SS18L1: variants seen among roughly 807,000 people sequenced by gnomAD.
SS18L1 encodes the protein SS18L1 subunit of BAF chromatin remodeling complex, also known as calcium-responsive transactivator.
SS18L1 carries 32 observed loss-of-function variants against 70.3 expected under a neutral mutation model. That is an observed-to-expected ratio of 0.46 (90% CI 0.34 to 0.61). The LOEUF is 0.61. Among genes scored for constraint, SS18L1 ranks in the 20% least tolerant of loss-of-function variants. The pLI, the probability that SS18L1 is intolerant of heterozygous loss-of-function variation, is 0.01. For synonymous variants in SS18L1, 237 were observed against 229.7 expected, an observed-to-expected ratio of 1.03 and a Z score of -0.29; for missense variants, 430 against 542.1, an observed-to-expected ratio of 0.79 and a Z score of 2.05.
intron 1 of SS18L1, chr20:62,154,490 C>T: frequency 3.9e-6 from 4 of 1,022,102 alleles, no homozygotes; most frequent in Non-Finnish European, 4.7e-6. Context: ...CCTCCAGAGC[C>T]TCCCTCAGGC....
At position 62,161,411 on chromosome 20, in the gene SS18L1, C is replaced by T. The variant is rs61422126; in HGVS notation, c.232-25C>T. ...GCTCTCCGTAAATTAACCGTTTTTC[C>T]CTGAAAACTTCCTGTTGCCTGCAGC... On this transcript the variant is annotated intron_variant, in intron 3 of 10. Coordinates refer to ENST00000331758, the MANE Select transcript of SS18L1 (RefSeq NM_198935.3). The surrounding 1 kb of genome is among the most constrained non-coding windows in gnomAD (Gnocchi z 4.4). 16,680 of 1,612,580 alleles carry T rather than the reference C, an allele frequency of 0.01. 1,459 individuals are homozygous for T. In the African/African-American group the frequency reaches 0.19, roughly 19 times the overall value.
intron 10 of SS18L1, among the ~76,000 whole-genome samples, chr20:62,177,256 C>T: frequency 6.7e-6 from 1 of 149,448 alleles, no homozygotes; most frequent in Non-Finnish European, 1.5e-5. Context: ...CCAGCATGGG[C>T]AACAAGAGCG....
intron 1 of SS18L1, chr20:62,154,574 A>G (rs890468296): frequency 1.0e-6 from 1 of 1,003,634 alleles, no homozygotes; most frequent in African/African-American, 1.7e-5. Flanking sequence ...TTGGTATGGG[A>G]CACAGCTCCT....
intron 9 of SS18L1, among the ~76,000 whole-genome samples, chr20:62,173,441 G>T (rs2057567206): frequency 1.3e-5 from 2 of 152,246 alleles, no homozygotes; most frequent in African/African-American, 4.8e-5. Flanking sequence ...CAGGCGTGGT[G>T]GCTCACGCCT....
chr20:62,148,674 A>G (rs116124141), intron 1 of SS18L1, among the ~76,000 whole-genome samples: 5,213 of 152,316 alleles, frequency 0.034, 273 homozygotes, highest in African/African-American at 0.11. Context: ...CCTTGAACCC[A>G]AGCGCCACGG....
rs1180521665 is a variant in SS18L1 at position 62,181,010 on chromosome 20, C to T, written c.*1802C>T. ...TTTTGCTTGAATTAATTCTGACAGCCCCTATGAGGAAATCTGGAGGCAGGT... is the reference window on the plus strand; with the variant it reads ...TTTTGCTTGAATTAATTCTGACAGCTCCTATGAGGAAATCTGGAGGCAGGT... On this transcript the variant is annotated 3_prime_UTR_variant, in exon 11 of 11. Coordinates refer to ENST00000331758, the MANE Select transcript of SS18L1 (RefSeq NM_198935.3). 1 of 185,548 alleles carries T rather than the reference C, an allele frequency of 5.4e-6. No homozygotes were observed. Among genetic ancestry groups the T allele is most frequent in the Non-Finnish European group, 1.1e-5 (1 of 87,758 alleles). 11.5% of individuals were successfully genotyped at this position (185,548 alleles called of 1,614,324 possible).
intron 1 of SS18L1, among the ~76,000 whole-genome samples, chr20:62,156,257 A>G (rs2057221578): frequency 6.6e-6 from 1 of 152,122 alleles, no homozygotes; most frequent in Non-Finnish European, 1.5e-5. Flanking sequence ...CAAGGAGGGG[A>G]AGCCCTTTAG....
chr20:62,160,422 G>T (rs1053278148), intron 3 of SS18L1, among the ~76,000 whole-genome samples: 2 of 146,120 alleles, frequency 1.4e-5, no homozygotes, highest in Non-Finnish European at 3.0e-5. Flanking sequence ...TGGGATGGGG[G>T]CCCTGCGTCT....
In SS18L1 at chr20:62,158,726, G is replaced by A. The variant is rs1455626185; in HGVS notation, c.124G>A (p.Gly42Ser). 3.1e-6 allele frequency: 5 copies of A among 1,612,950 alleles called. No individual in the cohort carries two copies. Among genetic ancestry groups the A allele is most frequent in the Non-Finnish European group, 4.2e-6 (5 of 1,180,032 alleles). Residue 42 changes from glycine to serine, a missense_variant, in exon 2 of 11, where the codon GGC becomes AGC. Transcript: ENST00000331758. The surrounding 1 kb of genome is among the most constrained non-coding windows in gnomAD (Gnocchi z 4.5). The part of the protein sequence containing the change: ...IQCILEYQSK[G>S]KTAECTQYQQ... ...GTGCATCCTGGAGTACCAGAGCAAG[G>A]GCAAGACGGCCGAGTGCACGCAGTG...
At chr20:62,153,672 T>C (rs2057173728) in intron 1 of SS18L1, among the ~76,000 whole-genome samples, 1 of 152,198 alleles carries the variant, frequency 6.6e-6, no homozygotes, top group Non-Finnish European at 1.5e-5. Context: ...GTTGATTGTT[T>C]TTCTTTTCAA....
Position 62,143,894 on chromosome 20 carries a change from GCC to G in SS18L1, c.69+6_69+7del. On this transcript the variant is annotated splice_donor_region_variant and intron_variant, in intron 1 of 10. Coordinates refer to ENST00000331758, the MANE Select transcript of SS18L1 (RefSeq NM_198935.3). ...ACGCAGCAAACCATCCAGAAGGTGG[GCC>G]GGGCCGGAGCGGCGGCGCTGGGCGG... is the stretch of plus-strand genomic sequence containing the variant. The G allele has an allele frequency of 2.6e-6, 3 of 1,175,692 alleles. No homozygotes were observed. Among genetic ancestry groups the G allele is most frequent in the Non-Finnish European group, 3.2e-6 (3 of 923,102 alleles). 72.8% of individuals were successfully genotyped at this position (1,175,692 alleles called of 1,614,324 possible).
chr20:62,147,337 G>A (rs1203307712), intron 1 of SS18L1, among the ~76,000 whole-genome samples: 2 of 152,182 alleles, frequency 1.3e-5, no homozygotes, highest in South Asian at 2.1e-4. Context: ...GTGGGGCTGG[G>A]CCATGTCCCC....
In SS18L1 at chr20:62,159,999, A is replaced by G. The variant is rs1479361079; in HGVS notation, c.231+38A>G. On this transcript the variant is annotated intron_variant, in intron 3 of 10. Coordinates refer to ENST00000331758, the MANE Select transcript of SS18L1 (RefSeq NM_198935.3). The surrounding 1 kb of genome is among the most constrained non-coding windows in gnomAD (Gnocchi z 4.4). ...GGGGGGTTGGCCTCCTTTACCCAGC[A>G]AGGACTCCGACACTGCCTAAGATCG... 7 of 1,576,790 alleles carry G rather than the reference A, an allele frequency of 4.4e-6. 1 individual carries two copies. Among genetic ancestry groups the G allele is most frequent in the Non-Finnish European group, 6.0e-6 (7 of 1,158,010 alleles).
At chr20:62,177,772 G>A (rs774170057) in intron 10 of SS18L1, among the ~76,000 whole-genome samples, 7 of 152,122 alleles carry the variant, frequency 4.6e-5, no homozygotes, top group Non-Finnish European at 8.8e-5. Context: ...GCCCAGGCTG[G>A]AGTGCAGTGG....
intron 7 of SS18L1, 24 bp downstream of exon 7, chr20:62,164,270 C>G (rs1320188884): frequency 2.6e-6 from 4 of 1,539,516 alleles, no homozygotes; most frequent in East Asian, 2.5e-5. Context: ...GCGGCCTGAC[C>G]CCGCCCAGGA....
intron 10 of SS18L1, among the ~76,000 whole-genome samples, chr20:62,177,593 C>T (rs546173526): frequency 1.3e-5 from 2 of 152,330 alleles, no homozygotes; most frequent in East Asian, 1.9e-4. Flanking sequence ...GATGATGATC[C>T]GTTGTCTTCC....
At chr20:62,154,873 A>G (rs963733992) in intron 1 of SS18L1, among the ~76,000 whole-genome samples, 11 of 151,796 alleles carry the variant, frequency 7.2e-5, no homozygotes, top group Admixed American at 6.6e-4. Context: ...TTTCTTCGTG[A>G]TCTTTCTGTT....
intron 10 of SS18L1, among the ~76,000 whole-genome samples, chr20:62,178,480 G>C (rs1202389065): frequency 6.6e-6 from 1 of 152,006 alleles, no homozygotes; most frequent in African/African-American, 2.4e-5. Context: ...TTTTTTTGTA[G>C]AGATGGGGTC....
At chr20:62,166,880 A>G (rs111517166) in intron 8 of SS18L1, among the ~76,000 whole-genome samples, 59 of 150,964 alleles carry the variant, frequency 3.9e-4, no homozygotes, top group African/African-American at 1.4e-3. Flanking sequence ...AGCTGAGATC[A>G]TGCCATTGCA....
Sources: gnomAD v4.1 joint callset for allele counts (sites outside exome capture counted in the v4.1 genomes callset) on GRCh38, gnomAD v4.1.1 for gene constraint, Gnocchi (gnomAD v3.1) non-coding constraint, MANE v1.5 for transcripts, NCBI Gene and HGNC (gene_info 2026-07-23, HGNC 2026-07-21) for gene names.